Variants in BCL9 observed in about 807,000 individuals in gnomAD.
The protein encoded by BCL9 is B-cell CLL/lymphoma 9 protein.
In BCL9, 25 loss-of-function variants were observed where a neutral mutation model predicts 88.5. That is an observed-to-expected ratio of 0.28 (90% CI 0.21 to 0.39). BCL9 has a LOEUF of 0.39. BCL9 is among the 10% of genes least tolerant of loss of function. The pLI, the probability that BCL9 is intolerant of heterozygous loss-of-function variation, is 1.00. For missense variants in BCL9, 1,817 were observed against 1,877.8 expected, an observed-to-expected ratio of 0.97 and a Z score of 0.60; for synonymous variants, 711 against 673.3, an observed-to-expected ratio of 1.06 and a Z score of -0.87.
chr1:147,603,514 TA>T (rs1657506166), intron 1 of BCL9, among the ~76,000 whole-genome samples: 1 of 152,160 alleles, frequency 6.6e-6, no homozygotes. Flanking sequence ...TGTTTTTTTT[TA>T]AATTGAGACA....
chr1:147,604,586 A>G (rs1657564724), intron 1 of BCL9, among the ~76,000 whole-genome samples, 191 bp from the exon 2 acceptor site: 1 of 152,088 alleles, frequency 6.6e-6, no homozygotes, highest in South Asian at 2.1e-4. Flanking sequence ...GGCTGCAGTG[A>G]CCCTATCTTG....
At chr1:147,572,594 T>G (rs964703384) in intron 1 of BCL9, among the ~76,000 whole-genome samples, 1 of 152,198 alleles carries the variant, frequency 6.6e-6, no homozygotes, top group Non-Finnish European at 1.5e-5. Flanking sequence ...GTTTGTTTGC[T>G]TTTGAGACAG....
At position 147,624,180 on chromosome 1, in the gene BCL9, G is replaced by C; in HGVS notation, c.3502G>C (p.Gly1168Arg). 1.2e-6 allele frequency: 2 copies of C among 1,605,628 alleles called. No individual in the cohort carries two copies. Among genetic ancestry groups the C allele is most frequent in the African/African-American group, 2.7e-5 (2 of 74,862 alleles). Residue 1168 changes from glycine to arginine, a missense_variant, in exon 10 of 10, where the codon GGG becomes CGG. Around this residue, in one of 2 missense-constraint regions of BCL9, gnomAD observed 589 missense variants for 686.2 expected, o/e 0.86. Transcript: ENST00000234739. This position sits in a 1 kb window ranked among gnomAD's most constrained non-coding sequence, Gnocchi z 4.4. ...PSGGQGSFPG[G>R]MGFPGEGPLG... ...TGGGGGGCAGGGCAGCTTCCCAGGA[G>C]GGATGGGTTTCCCAGGAGAAGGCCC...
intron 1 of BCL9, among the ~76,000 whole-genome samples, chr1:147,546,565 C>A (rs1422841171): frequency 6.6e-6 from 1 of 152,160 alleles, no homozygotes; most frequent in Non-Finnish European, 1.5e-5. Flanking sequence ...GGGAATTGGA[C>A]TAAATCATCT....
rs1344535609 is a variant in BCL9, at chr1:147,611,676, A to T, written c.-161A>T. 7.8e-6 allele frequency: 5 copies of T among 643,440 alleles called. No homozygotes were observed. The Admixed American group carries it at 1.4e-4, about 18-fold the overall frequency. The allele number at this position is 643,440 out of a possible 1,614,324, so 39.9% of individuals were successfully genotyped here. A position where few individuals can be genotyped will look rare whatever the true frequency, so the allele number is the denominator to read the frequency against. ...GAAAGGACCCACTTCCACAGCAGAG[A>T]AAAACAAAGAGGAAAAAGGCATACA... On this transcript the variant is annotated 5_prime_UTR_variant, in exon 4 of 10. Coordinates refer to ENST00000234739, the MANE Select transcript of BCL9 (RefSeq NM_004326.4).
Position 147,620,676 on chromosome 1 carries a change from C to G in BCL9, c.2521C>G (p.Leu841Val). 1.9e-6 allele frequency: 3 copies of G among 1,614,252 alleles called. No homozygotes were observed. Among genetic ancestry groups the G allele is most frequent in the South Asian group, 1.1e-5 (1 of 91,088 alleles). The change falls in exon 8 of 10, where the codon CTG (leucine) becomes GTG (valine). Residue 841 changes from leucine (L) to valine (V), a missense_variant. Physicochemically the swap from Leu to Val is conservative, Grantham distance 32. This residue lies in a region of BCL9 where 1,228 missense variants were observed against 1,191.6 expected (regional missense o/e 1.03). Transcript: ENST00000234739. ...CACAGCTCCTCCAGTTCAGCGCGGC[C>G]TGGGGCGGAAGCCCTTGGATATATC... ...LNTAPPVQRG[L>V]GRKPLDISVA...
chr1:147,601,584 CAT>C (rs1295557343), intron 1 of BCL9, among the ~76,000 whole-genome samples: 27,249 of 152,066 alleles, frequency 0.18, 3,322 homozygotes, highest in East Asian at 0.36. Context: ...AGGTAAGACT[CAT>C]GTGGGTTTAG....
At chr1:147,572,244 AAAAAAC>A (rs373024773) in intron 1 of BCL9, among the ~76,000 whole-genome samples, 2,358 of 152,270 alleles carry the variant, frequency 0.015, 30 homozygotes, top group East Asian at 0.054. Flanking sequence ...CTCCGTCTCA[AAAAAAC>A]AAAAACAAAA....
At position 147,620,611 on chromosome 1, in the gene BCL9, C is replaced by T. The variant is rs782798118; in HGVS notation, c.2456C>T (p.Pro819Leu). Reference protein sequence around the residue: ...RTNSRLSHMPPLPLNPSSNPT... With the variant: ...RTNSRLSHMPLLPLNPSSNPT... ...AACAGCCGGCTCAGTCATATGCCAC[C>T]ACTACCTCTCAACCCTTCCAGTAAC... The change falls in exon 8 of 10, where the codon CCA becomes CTA. Residue 819 changes from proline (P) to leucine (L), a missense_variant. Physicochemically the swap from Pro to Leu is moderately conservative, Grantham distance 98. This residue lies in a region of BCL9 where 1,228 missense variants were observed against 1,191.6 expected (regional missense o/e 1.03). Coordinates refer to ENST00000234739, the MANE Select transcript of BCL9 (RefSeq NM_004326.4). 8.2e-5 allele frequency: 133 copies of T among 1,614,058 alleles called. No individual in the cohort carries two copies. The highest frequency in any genetic ancestry group is 1.1e-4 in the Non-Finnish European group (128 of 1,180,038).
chr1:147,548,181 G>A (rs1383214712), intron 1 of BCL9, among the ~76,000 whole-genome samples: 1 of 152,136 alleles, frequency 6.6e-6, no homozygotes, highest in African/African-American at 2.4e-5. Flanking sequence ...TGTGTAGTTA[G>A]TATATGTTTG....
chr1:147,604,059 T>C (rs1468094732), intron 1 of BCL9, among the ~76,000 whole-genome samples: 1 of 152,186 alleles, frequency 6.6e-6, no homozygotes, highest in African/African-American at 2.4e-5. Flanking sequence ...TGCCAAGATA[T>C]CTGCAACAAC....
intron 1 of BCL9, among the ~76,000 whole-genome samples, chr1:147,542,427 A>G (rs1436970926): frequency 2.6e-5 from 4 of 152,202 alleles, no homozygotes; most frequent in African/African-American, 7.2e-5. Context: ...GGGATGCTGT[A>G]TGCCTCCCTG....
Position 147,619,842 on chromosome 1 carries a change from C to A in BCL9, c.1687C>A (p.Pro563Thr). ...CATGCCAGGGAGCCAGATGCGCCTCCCTGGATTTGCAGGCATGATAAACTC... is the reference window on the plus strand; with the variant it reads ...CATGCCAGGGAGCCAGATGCGCCTCACTGGATTTGCAGGCATGATAAACTC... ...PNMPGSQMRL[P>T]GFAGMINSEM... Residue 563 changes from proline (P) to threonine (T), a missense_variant, in exon 8 of 10, where the codon CCT becomes ACT. By Grantham distance (38) the Pro-to-Thr change is conservative. Around this residue, in one of 2 missense-constraint regions of BCL9, gnomAD observed 1,228 missense variants for 1,191.6 expected, o/e 1.03. Coordinates refer to ENST00000234739, the MANE Select transcript of BCL9 (RefSeq NM_004326.4). The surrounding 1 kb of genome is among the most constrained non-coding windows in gnomAD (Gnocchi z 4.1). 6.2e-7 allele frequency: 1 copy of A among 1,614,176 alleles called. No homozygotes were observed. Among genetic ancestry groups the A allele is most frequent in the Non-Finnish European group, 8.5e-7 (1 of 1,180,024 alleles).
chr1:147,621,167 T>C (rs893184649), intron 8 of BCL9, 110 bp downstream of exon 8: 5 of 1,214,522 alleles, frequency 4.1e-6, no homozygotes, highest in African/African-American at 3.1e-5. Flanking sequence ...GGAGGCAGTC[T>C]TTGTTGAAAT....
rs587737634 is a variant in BCL9 at position 147,595,314 on chromosome 1, T to C, written c.-477-9463T>C. 2.0e-5 allele frequency among the ~76,000 whole-genome samples: 3 copies of C among 152,338 alleles called. 1 individual carries two copies. In the East Asian group the frequency reaches 5.8e-4, roughly 29 times the overall value. ...GATTCTATGGAGACAAAGTGGCCAG[T>C]GGGTGCAACCTGAATGCAAACCACA... On this transcript the variant is annotated intron_variant, in intron 1 of 9. Transcript: ENST00000234739.
At chr1:147,611,937 T>C in intron 4 of BCL9, 48 bp downstream of exon 4, 2 of 1,557,632 alleles carry the variant, frequency 1.3e-6, no homozygotes, top group East Asian at 2.2e-5. Flanking sequence ...GGGGATGCCA[T>C]AGGCACATCA....
chr1:147,569,180 G>A (rs782180626), intron 1 of BCL9, among the ~76,000 whole-genome samples: 12 of 151,754 alleles, frequency 7.9e-5, no homozygotes, highest in African/African-American at 2.7e-4. Context: ...GAAGGGCAGC[G>A]AGGAAGAGGG....
intron 4 of BCL9, among the ~76,000 whole-genome samples, chr1:147,612,146 C>T (rs1658039238): frequency 6.6e-6 from 1 of 152,170 alleles, no homozygotes; most frequent in Non-Finnish European, 1.5e-5. Flanking sequence ...TGCCAAAGCA[C>T]AAACGAAAGG....
At chr1:147,559,250 GT>G (rs1180889319) in intron 1 of BCL9, among the ~76,000 whole-genome samples, 1 of 149,468 alleles carries the variant, frequency 6.7e-6, no homozygotes, top group Non-Finnish European at 1.5e-5. Context: ...ATTTTCTATA[GT>G]TTTAGCCAAA....
Sources: gnomAD v4.1 joint callset for allele counts (sites outside exome capture counted in the v4.1 genomes callset) on GRCh38, gnomAD v4.1.1 for gene constraint, gnomAD v4.1.1 regional missense constraint, Gnocchi (gnomAD v3.1) non-coding constraint, MANE v1.5 for transcripts, NCBI Gene and HGNC (gene_info 2026-07-23, HGNC 2026-07-21) for gene names.